The following FAM193B variants were observed in gnomAD, a reference collection of about 807,000 sequenced individuals.
FAM193B encodes family with sequence similarity 193 member B, also known as protein FAM193B.
In FAM193B, 27 loss-of-function variants were observed where a neutral mutation model predicts 70.7. The observed-to-expected ratio is 0.38, with a 90% CI of 0.28 to 0.53. The LOEUF (loss-of-function observed/expected upper bound fraction) is 0.53, where lower values mean the gene tolerates loss of function less well. FAM193B is among the 20% of genes least tolerant of loss of function. The probability of loss-of-function intolerance (pLI) is 0.81; values close to 1 mark genes in which losing one functional copy is unlikely to be tolerated. For synonymous variants in FAM193B, 448 were observed against 436.0 expected, an observed-to-expected ratio of 1.03 and a Z score of -0.34; for missense variants, 1,022 against 1,072.5, an observed-to-expected ratio of 0.95 and a Z score of 0.66.
intron 5 of FAM193B, chr5:177,531,537 A>AGGGGGGGGGGGGGGT: frequency 2.2e-6 from 2 of 919,464 alleles, no homozygotes; most frequent in East Asian, 6.1e-5. Flanking sequence ...GGTGGGGGGG[A>AGGGGGGGGGGGGGGT]GGTGCTGACA....
At chr5:177,540,938 G>T (rs1383790417) in intron 1 of FAM193B, among the ~76,000 whole-genome samples, 1 of 152,128 alleles carries the variant, frequency 6.6e-6, no homozygotes, top group Non-Finnish European at 1.5e-5. Context: ...GTTAGCATTA[G>T]GGTATCCTTA....
At chr5:177,533,788 C>T (rs915655186) in intron 4 of FAM193B, among the ~76,000 whole-genome samples, 11 of 152,188 alleles carry the variant, frequency 7.2e-5, no homozygotes, top group African/African-American at 2.7e-4. Flanking sequence ...GTGAGATGTG[C>T]ACAGTGCCCT....
intron 1 of FAM193B, among the ~76,000 whole-genome samples, chr5:177,540,401 C>T (rs1415423842): frequency 6.6e-6 from 1 of 152,124 alleles, no homozygotes; most frequent in East Asian, 1.9e-4. Flanking sequence ...CATTTAATGC[C>T]TCCAATTAAT....
chr5:177,543,400 C>G (rs964202838), intron 1 of FAM193B, among the ~76,000 whole-genome samples: 13 of 152,232 alleles, frequency 8.5e-5, no homozygotes, highest in African/African-American at 3.1e-4. Context: ...AATCTATTAT[C>G]TAAGCCCCTT....
At chr5:177,539,699 G>A (rs1477911113) in intron 1 of FAM193B, among the ~76,000 whole-genome samples, 1 of 152,244 alleles carries the variant, frequency 6.6e-6, no homozygotes, top group Non-Finnish European at 1.5e-5. Flanking sequence ...TCAACTCAAT[G>A]GGAAATTGTG....
chr5:177,536,036 G>C (rs1182217679), intron 4 of FAM193B, among the ~76,000 whole-genome samples: 1 of 151,594 alleles, frequency 6.6e-6, no homozygotes, highest in Non-Finnish European at 1.5e-5. Flanking sequence ...TCAGCCTCCT[G>C]AGTAGCTAGG....
At chr5:177,523,240 T>C (rs1220891153) in intron 7 of FAM193B, 9 of 369,242 alleles carry the variant, frequency 2.4e-5, no homozygotes, top group African/African-American at 1.5e-4. Flanking sequence ...TCTCAGGTGA[T>C]CCACCCGCCT....
chr5:177,523,182 T>A, intron 7 of FAM193B: 1 of 351,754 alleles, frequency 2.8e-6, no homozygotes, highest in Non-Finnish European at 5.9e-6. Context: ...CTATTTTTAG[T>A]AGAGACGGGG....
At position 177,524,651 on chromosome 5, in the gene FAM193B, C is replaced by T; in HGVS notation, c.1830G>A (p.Glu610=). Residue 610 remains glutamate, a synonymous_variant, in exon 6 of 9, where the codon GAG becomes GAA. Transcript: ENST00000514747. ...KTPKPGYPSS[E]EPSSKEVPSC... Reference sequence around the variant, plus strand: ...TGGGAACTTCCTTTGAGCTTGGCTCCTCGGAGCTGGGGTAGCCCGGCTTGG... The same window carrying T: ...TGGGAACTTCCTTTGAGCTTGGCTCTTCGGAGCTGGGGTAGCCCGGCTTGG... 1 of 1,612,718 alleles carries T rather than the reference C, an allele frequency of 6.2e-7. No homozygotes were observed. The highest frequency in any genetic ancestry group is 2.2e-5 in the East Asian group (1 of 44,862).
chr5:177,522,106 C>G (rs1476787992), intron 7 of FAM193B, 35 bp from the exon 8 acceptor site: 7 of 1,555,960 alleles, frequency 4.5e-6, no homozygotes, highest in Non-Finnish European at 6.2e-6. Flanking sequence ...GAAGCACAAT[C>G]AGAGGTTCAT....
At position 177,524,933 on chromosome 5, in the gene FAM193B, G is replaced by A. The variant is rs1382169815; in HGVS notation, c.1548C>T (p.Pro516=). 3 of 1,507,886 alleles carry A rather than the reference G, an allele frequency of 2.0e-6. No individual in the cohort carries two copies. Among genetic ancestry groups the A allele is most frequent in the Non-Finnish European group, 2.7e-6 (3 of 1,129,902 alleles). The allele number at this position is 1,507,886 out of a possible 1,614,324, so 93.4% of individuals were successfully genotyped here. A position where few individuals can be genotyped will look rare whatever the true frequency, so the allele number is the denominator to read the frequency against. ...CTGAGGAGCCACTGAGGTTTGAGGGGGGTAGACTCTGAGGCTCAGGCTCAG... is the reference window on the plus strand; with the variant it reads ...CTGAGGAGCCACTGAGGTTTGAGGGAGGTAGACTCTGAGGCTCAGGCTCAG... The part of the protein sequence containing the change: ...GAAEPEPQSL[P]PSNLSGSSEQ... The change falls in exon 6 of 9, where the codon CCC becomes CCT. Residue 516 remains proline, a synonymous_variant. Coordinates refer to ENST00000514747, the MANE Select transcript of FAM193B (RefSeq NM_001190946.3).
At chr5:177,522,459 G>A (rs1023339030) in intron 7 of FAM193B, among the ~76,000 whole-genome samples, 28 of 151,998 alleles carry the variant, frequency 1.8e-4, no homozygotes, top group African/African-American at 6.0e-4. Flanking sequence ...TGTAGTATTT[G>A]CATAAAACCT....
chr5:177,547,282 A>ATTTATTTTTTTTTTTTT (rs142591142), intron 1 of FAM193B: 1 of 24,686 alleles, frequency 4.1e-5, no homozygotes, highest in Non-Finnish European at 8.4e-5. Context: ...AACCAAATTT[A>ATTTATTTTTTTTTTTTT]TTTCTTTTTT....
Position 177,535,017 on chromosome 5 carries a change from G to C in FAM193B, c.1076+1341C>G, listed in dbSNP as rs751836591. Among the ~76,000 whole-genome samples, 44 of 152,174 alleles carry C rather than the reference G, an allele frequency of 2.9e-4. 1 individual carries two copies. Among genetic ancestry groups the C allele is most frequent in the Non-Finnish European group, 5.7e-4 (39 of 68,030 alleles). On this transcript the variant is annotated intron_variant, in intron 4 of 8. Transcript: ENST00000514747. ...AGTTTGGAGACCCCTTTGGATAGCA[G>C]TTTTTCAATGTGTATTAAGAACCCT...
intron 4 of FAM193B, among the ~76,000 whole-genome samples, chr5:177,535,902 C>CA (rs1026028376): frequency 2.1e-5 from 3 of 142,176 alleles, no homozygotes; most frequent in South Asian, 2.2e-4. Flanking sequence ...AAACACAAAA[C>CA]AAAAAAACCC....
intron 1 of FAM193B, among the ~76,000 whole-genome samples, chr5:177,549,202 T>C (rs1014205467): frequency 2.7e-5 from 4 of 149,014 alleles, no homozygotes; most frequent in African/African-American, 7.4e-5. Flanking sequence ...TTTTTTTTTT[T>C]TTTTTTTGAG....
At chr5:177,520,797 ACTTCTGGGG>A (rs768410241) in intron 8 of FAM193B, among the ~76,000 whole-genome samples, 1 of 152,172 alleles carries the variant, frequency 6.6e-6, no homozygotes, top group Non-Finnish European at 1.5e-5. Flanking sequence ...TCTGGAAGAT[ACTTCTGGGG>A]CTTGTGGGCA....
intron 1 of FAM193B, among the ~76,000 whole-genome samples, chr5:177,541,204 G>A (rs1370267746): frequency 6.6e-6 from 1 of 152,146 alleles, no homozygotes; most frequent in East Asian, 1.9e-4. Context: ...GATAGAGAAG[G>A]ATGGTATTCA....
In FAM193B at chr5:177,524,663, G is replaced by A; in HGVS notation, c.1818C>T (p.Tyr606=). 6.2e-7 allele frequency: 1 copy of A among 1,612,334 alleles called. No homozygotes were observed. Among genetic ancestry groups the A allele is most frequent in the Non-Finnish European group, 8.5e-7 (1 of 1,179,342 alleles). ...TTGAGCTTGGCTCCTCGGAGCTGGG[G>A]TAGCCCGGCTTGGGTGTCTTGACCC... ...VIWVKTPKPG[Y]PSSEEPSSKE... Residue 606 remains tyrosine, a synonymous_variant, in exon 6 of 9, where the codon TAC becomes TAT. Coordinates refer to ENST00000514747, the MANE Select transcript of FAM193B (RefSeq NM_001190946.3).
Sources: allele counts gnomAD v4.1 joint callset (sites outside exome capture counted in the v4.1 genomes callset), GRCh38; gene constraint gnomAD v4.1.1; transcripts MANE v1.5; gene names NCBI Gene and HGNC (gene_info 2026-07-23, HGNC 2026-07-21).